SLC38A6: variants seen among roughly 807,000 people sequenced by gnomAD.
The protein encoded by SLC38A6 is solute carrier family 38 member 6, also known as N system amino acid transporter NAT-1.
In SLC38A6, 73 loss-of-function variants were observed where a neutral mutation model predicts 65.0. The observed-to-expected ratio is 1.12, with a 90% CI of 0.93 to 1.37. SLC38A6 has a LOEUF of 1.37. Ranked by LOEUF, SLC38A6 falls within the 40% of genes most tolerant of loss-of-function variation. The pLI is 0.00. For synonymous variants in SLC38A6, 183 were observed against 178.8 expected (o/e 1.02, Z -0.19); for missense variants, 561 against 531.1 (o/e 1.06, Z -0.55).
At chr14:61,069,319 C>G (rs1827106169) in intron 15 of SLC38A6, among the ~76,000 whole-genome samples, 1 of 152,058 alleles carries the variant, frequency 6.6e-6, no homozygotes, top group African/African-American at 2.4e-5. Context: ...TGGCTCACTA[C>G]TACCCCCATT....
intron 10 of SLC38A6, among the ~76,000 whole-genome samples, chr14:61,044,142 C>T (rs567521886): frequency 2.0e-5 from 3 of 152,172 alleles, no homozygotes; most frequent in Non-Finnish European, 4.4e-5. Flanking sequence ...AGCTCAAAGT[C>T]TTCCCTGTTG....
intron 4 of SLC38A6, 74 bp downstream of exon 4, chr14:61,016,030 C>G (rs2039987526): frequency 2.8e-6 from 3 of 1,071,102 alleles, no homozygotes; most frequent in Non-Finnish European, 4.1e-6. Flanking sequence ...TTAAAAGAGA[C>G]AAGTATATAC....
intron 5 of SLC38A6, 83 bp downstream of exon 5, chr14:61,019,663 C>A: frequency 7.1e-7 from 1 of 1,403,978 alleles, no homozygotes; most frequent in Non-Finnish European, 1.0e-6. Context: ...ACAGATCTAG[C>A]TGGGAACTTC....
intron 3 of SLC38A6, among the ~76,000 whole-genome samples, chr14:61,013,993 C>A (rs952642150): frequency 2.0e-5 from 3 of 152,176 alleles, no homozygotes; most frequent in African/African-American, 7.2e-5. Flanking sequence ...CAACTTAGTT[C>A]CATTCTCCCT....
chr14:61,048,999 A>G (rs1270332491), intron 12 of SLC38A6, among the ~76,000 whole-genome samples: 2 of 152,190 alleles, frequency 1.3e-5, no homozygotes, highest in Non-Finnish European at 2.9e-5. Flanking sequence ...TCCAAATCCC[A>G]CATTGTGTAA....
At position 60,981,349 on chromosome 14, in the gene SLC38A6, G is replaced by A. The variant is rs555851663; in HGVS notation, c.72G>A (p.Ala24=). The A allele has an allele frequency of 8.5e-5, 137 of 1,609,488 alleles. 6 individuals are homozygous for A. In the South Asian group the frequency reaches 1.5e-3, roughly 17 times the overall value. The change falls in exon 1 of 16, where the codon GCG becomes GCA. Residue 24 remains alanine, a synonymous_variant. Transcript: ENST00000267488. The stretch of plus-strand genomic sequence containing the variant: ...TCTCTGTCCAGCAGCCTGAAGAAGC[G>A]GAGGCCGAAGAGTTGAGTCCGTTGC... ...WYVSVQQPEE[A]EAEELSPLLS...
At chr14:61,045,455 A>C in intron 11 of SLC38A6, 30 bp downstream of exon 11, 1 of 1,507,634 alleles carries the variant, frequency 6.6e-7, no homozygotes, top group Non-Finnish European at 9.2e-7. Flanking sequence ...TATTTTAAAT[A>C]TATTGTGTAT....
In SLC38A6 at chr14:60,982,621, C is replaced by T. The variant is rs1184586829; in HGVS notation, c.219C>T (p.Thr73=). 4 of 1,608,808 alleles carry T rather than the reference C, an allele frequency of 2.5e-6. No homozygotes were observed. The highest frequency in any genetic ancestry group is 3.4e-6 in the Non-Finnish European group (4 of 1,178,706). Residue 73 remains threonine, a synonymous_variant, in exon 2 of 16, where the codon ACC becomes ACT. Transcript: ENST00000267488. ...GCTTAGCTTATGTTTTGGCTAATAC[C>T]GGTGTCTTTGGATTTAGGTGAGTCT... The part of the protein sequence containing the change: ...ILGLAYVLAN[T]GVFGFSFLLL...
chr14:60,998,639 T>C (rs1291057885), intron 3 of SLC38A6, among the ~76,000 whole-genome samples: 1 of 152,232 alleles, frequency 6.6e-6, no homozygotes, highest in Non-Finnish European at 1.5e-5. Context: ...GGCTGGTTAA[T>C]ACTTAAGCAA....
At chr14:61,070,278 G>T (rs770058388) in intron 15 of SLC38A6, among the ~76,000 whole-genome samples, 1 of 152,154 alleles carries the variant, frequency 6.6e-6, no homozygotes, top group African/African-American at 2.4e-5. Context: ...GACTGCTCTC[G>T]CCATCTTGTA....
exon 17 of SLC38A6, chr14:61,083,602 A>G (rs1172130925): frequency 6.4e-7 from 1 of 1,550,566 alleles, no homozygotes; most frequent in South Asian, 1.2e-5. Flanking sequence ...CCACGCAAGG[A>G]CACAGCAAGA....
intron 9 of SLC38A6, 29 bp downstream of exon 9, chr14:61,043,241 C>A (rs1397193131): frequency 7.3e-7 from 1 of 1,360,920 alleles, no homozygotes; most frequent in Non-Finnish European, 1.0e-6. Context: ...TTTTCAGTTT[C>A]TTCCTTTTTA....
In SLC38A6 at chr14:61,075,777, T is replaced by TTGTGTGTG. The variant is rs57421102; in HGVS notation, c.1291-2985_1291-2978dup. Among the ~76,000 whole-genome samples the TTGTGTGTG allele has an allele frequency of 4.0e-4, 49 of 123,388 alleles. 1 individual carries two copies. Among genetic ancestry groups the TTGTGTGTG allele is most frequent in the Middle Eastern group, 4.2e-3 (1 of 236 alleles). The allele number at this position is 123,388 out of a possible 152,430, so 80.9% of individuals were successfully genotyped here. ...AAGAACGTGCCATAGATCAACCTGTTTGTGTGTGTGTGTGTGTGTGTGTGT... is the reference window on the plus strand; with the variant it reads ...AAGAACGTGCCATAGATCAACCTGTTTGTGTGTGTGTGTGTGTGTGTGTGTGTGTGTGT... On this transcript the variant is annotated intron_variant, in intron 15 of 16. Transcript: ENST00000354886.
chr14:61,061,703 T>C (rs1304155720), intron 15 of SLC38A6, among the ~76,000 whole-genome samples: 1 of 152,240 alleles, frequency 6.6e-6, no homozygotes, highest in East Asian at 1.9e-4. Context: ...TAGCACTGAA[T>C]AGTATTCCAT....
chr14:61,000,220 T>C (rs1342155976), intron 3 of SLC38A6, among the ~76,000 whole-genome samples: 1 of 152,240 alleles, frequency 6.6e-6, no homozygotes, highest in Admixed American at 6.5e-5. Flanking sequence ...AGAGAGTATT[T>C]AATAAAAGCT....
At chr14:60,991,803 T>A (rs905039345) in intron 3 of SLC38A6, among the ~76,000 whole-genome samples, 5 of 152,122 alleles carry the variant, frequency 3.3e-5, no homozygotes, top group African/African-American at 1.2e-4. Context: ...GTTCCATTAT[T>A]CTTGTGTGTG....
intron 8 of SLC38A6, among the ~76,000 whole-genome samples, chr14:61,040,150 C>T (rs924388182): frequency 1.3e-5 from 2 of 151,724 alleles, no homozygotes; most frequent in African/African-American, 4.8e-5. Context: ...CGTTTTAATA[C>T]GTCGGTAATC....
In SLC38A6 at chr14:60,982,573, C is replaced by T. The variant is rs968881107; in HGVS notation, c.171C>T (p.Ala57=). The change falls in exon 2 of 16, where the codon GCC becomes GCT. Residue 57 remains alanine (A), a synonymous_variant. Transcript: ENST00000267488. ...FGLSVFNLMN[A]IMGSGILGLA... Reference sequence around the variant, plus strand: ...TATCAGTGTTTAATTTGATGAATGCCATCATGGGAAGTGGCATCCTTGGCT... The same window carrying T: ...TATCAGTGTTTAATTTGATGAATGCTATCATGGGAAGTGGCATCCTTGGCT... The T allele has an allele frequency of 1.2e-6, 2 of 1,613,988 alleles. No homozygotes were observed. Among genetic ancestry groups the T allele is most frequent in the African/African-American group, 1.3e-5 (1 of 75,022 alleles).
At chr14:61,064,039 A>G (rs2042945068) in intron 15 of SLC38A6, among the ~76,000 whole-genome samples, 1 of 152,198 alleles carries the variant, frequency 6.6e-6, no homozygotes. Flanking sequence ...ATCTTGCATG[A>G]GAATTATTTT....
Sources: allele counts gnomAD v4.1 joint callset (sites outside exome capture counted in the v4.1 genomes callset), GRCh38; gene constraint gnomAD v4.1.1; transcripts MANE v1.5; gene names NCBI Gene and HGNC (gene_info 2026-07-23, HGNC 2026-07-21).